The following PRKG1 variants were observed in gnomAD, a reference collection of about 807,000 sequenced individuals.
PRKG1 encodes protein kinase cGMP-dependent 1, also known as cGMP-dependent protein kinase 1.
Under a neutral mutation model 88.1 loss-of-function variants are expected in PRKG1, and 35 were observed. The ratio of observed to expected loss-of-function variants is 0.40; its 90% CI spans 0.30 to 0.53. The LOEUF is 0.53. Ranked by LOEUF, PRKG1 falls within the 20% of genes least tolerant of loss-of-function variation. The probability of loss-of-function intolerance (pLI) is 0.59; values close to 1 mark genes in which losing one functional copy is unlikely to be tolerated. For missense variants in PRKG1, 540 were observed against 839.8 expected (o/e 0.64, Z 4.41); for synonymous variants, 303 against 292.5 (o/e 1.04, Z -0.37).
chr10:51,954,645 T>C (rs762890703), intron 5 of PRKG1, among the ~76,000 whole-genome samples: 6 of 152,188 alleles, frequency 3.9e-5, no homozygotes, highest in South Asian at 2.1e-4. Context: ...TTCTCAGAAC[T>C]TGATTTCAGG....
intron 2 of PRKG1, among the ~76,000 whole-genome samples, chr10:51,328,725 A>G (rs1345453801): frequency 6.6e-6 from 1 of 152,160 alleles, no homozygotes; most frequent in Non-Finnish European, 1.5e-5. Flanking sequence ...AAGTGATACC[A>G]CACTGGAATT....
chr10:52,029,613 C>G (rs1845428437), intron 5 of PRKG1, among the ~76,000 whole-genome samples: 1 of 152,258 alleles, frequency 6.6e-6, no homozygotes, highest in South Asian at 2.1e-4. Context: ...TACTTTAGTG[C>G]CTGGTACTTG....
intron 1 of PRKG1, among the ~76,000 whole-genome samples, chr10:51,039,610 A>C (rs906872790): frequency 1.3e-5 from 2 of 151,588 alleles, no homozygotes; most frequent in African/African-American, 4.8e-5. Flanking sequence ...TTGTCTTTTA[A>C]CGTGTCCATT....
chr10:52,267,057 A>G (rs747917143), intron 10 of PRKG1, among the ~76,000 whole-genome samples: 24 of 151,996 alleles, frequency 1.6e-4, no homozygotes, highest in Non-Finnish European at 2.9e-4. Context: ...CATCATCATC[A>G]TCATCATCAT....
At chr10:52,232,169 G>A (rs1840540550) in intron 9 of PRKG1, among the ~76,000 whole-genome samples, 3 of 152,044 alleles carry the variant, frequency 2.0e-5, no homozygotes, top group Non-Finnish European at 2.9e-5. Context: ...CGGGCATGAT[G>A]GTGGGCGCCT....
At chr10:51,711,033 C>T (rs780708652) in intron 3 of PRKG1, among the ~76,000 whole-genome samples, 25 of 151,552 alleles carry the variant, frequency 1.6e-4, no homozygotes, top group Non-Finnish European at 3.5e-4. Flanking sequence ...GAAAGACTTA[C>T]AATTCCCCTT....
intron 1 of PRKG1, among the ~76,000 whole-genome samples, 184 bp downstream of exon 1, chr10:51,075,085 A>G (rs1211690809): frequency 6.6e-6 from 1 of 152,230 alleles, no homozygotes; most frequent in Non-Finnish European, 1.5e-5. Context: ...GACTCACTGC[A>G]CATACGTTGC....
At chr10:51,259,212 A>G (rs1452945319) in intron 2 of PRKG1, among the ~76,000 whole-genome samples, 1 of 152,218 alleles carries the variant, frequency 6.6e-6, no homozygotes, top group Non-Finnish European at 1.5e-5. Context: ...ATACTCACAT[A>G]TGTACAACCA....
Position 52,228,154 on chromosome 10 carries a change from TA to T in PRKG1, c.1077-23411del, listed in dbSNP as rs756675130. Among the ~76,000 whole-genome samples the T allele has an allele frequency of 5.9e-4, 89 of 151,918 alleles. 1 individual carries two copies. Among genetic ancestry groups the T allele is most frequent in the Admixed American group, 3.5e-3 (53 of 15,212 alleles). ...AGAACACTGGTGATGTTTTCTTGAA[TA>T]AAAAGAAAACCTTTCATCGTAATGC... On this transcript the variant is annotated intron_variant, in intron 9 of 17. Transcript: ENST00000373980.
At chr10:51,418,362 T>C (rs1838305868) in intron 2 of PRKG1, among the ~76,000 whole-genome samples, 1 of 152,102 alleles carries the variant, frequency 6.6e-6, no homozygotes, top group Non-Finnish European at 1.5e-5. Context: ...CACTATCAAT[T>C]TGTAGACTAA....
intron 8 of PRKG1, among the ~76,000 whole-genome samples, chr10:52,135,331 G>C (rs1302761388): frequency 6.6e-6 from 1 of 152,132 alleles, no homozygotes; most frequent in Admixed American, 6.6e-5. Context: ...TGGAGGTGCT[G>C]TAACAAGTTC....
intron 3 of PRKG1, among the ~76,000 whole-genome samples, chr10:51,612,331 T>C (rs956948978): frequency 6.6e-6 from 1 of 152,052 alleles, no homozygotes; most frequent in Non-Finnish European, 1.5e-5. Flanking sequence ...TTGTAATTTT[T>C]CTTATAGAGA....
At chr10:51,964,461 G>A (rs1171709228) in intron 5 of PRKG1, among the ~76,000 whole-genome samples, 1 of 152,156 alleles carries the variant, frequency 6.6e-6, no homozygotes, top group Non-Finnish European at 1.5e-5. Flanking sequence ...CAGCGTTGAT[G>A]GTAAAGTTAT....
intron 5 of PRKG1, among the ~76,000 whole-genome samples, chr10:52,048,488 A>G (rs1393611551): frequency 6.6e-6 from 1 of 152,208 alleles, no homozygotes; most frequent in Non-Finnish European, 1.5e-5. Flanking sequence ...ACAAAAGAAA[A>G]TAAATCATTT....
At chr10:51,755,024 A>T (rs1041156450) in intron 3 of PRKG1, among the ~76,000 whole-genome samples, 1 of 151,930 alleles carries the variant, frequency 6.6e-6, no homozygotes, top group Non-Finnish European at 1.5e-5. Flanking sequence ...AAAAAAAAAA[A>T]AATAGACACA....
chr10:52,200,867 A>G (rs951390650), intron 9 of PRKG1, among the ~76,000 whole-genome samples: 7 of 152,082 alleles, frequency 4.6e-5, no homozygotes, highest in Admixed American at 2.0e-4. Context: ...TTTGAAAAGT[A>G]TCTGGTCATG....
chr10:51,502,346 G>C (rs1266308255), intron 3 of PRKG1, among the ~76,000 whole-genome samples: 1 of 152,112 alleles, frequency 6.6e-6, no homozygotes, highest in Non-Finnish European at 1.5e-5. Flanking sequence ...AGGTTCTTGT[G>C]CTCAGTTTCA....
intron 3 of PRKG1, among the ~76,000 whole-genome samples, chr10:51,659,421 T>C (rs527723611): frequency 2.6e-5 from 4 of 152,218 alleles, no homozygotes; most frequent in African/African-American, 9.6e-5. Context: ...GCCATCTGGC[T>C]GGGAGAACAG....
upstream of PRKG1, among the ~76,000 whole-genome samples, chr10:51,070,945 C>G (rs995912625): frequency 6.6e-6 from 1 of 152,184 alleles, no homozygotes; most frequent in Non-Finnish European, 1.5e-5. Context: ...CTGTTAGCAT[C>G]TAATGTCAAA....
Sources: gnomAD v4.1 joint callset for allele counts (sites outside exome capture counted in the v4.1 genomes callset) on GRCh38, gnomAD v4.1.1 for gene constraint, MANE v1.5 for transcripts, NCBI Gene and HGNC (gene_info 2026-07-23, HGNC 2026-07-21) for gene names.